Variants in BCO1 observed in about 807,000 individuals in gnomAD.
BCO1 encodes beta-carotene oxygenase 1.
In BCO1, 54 loss-of-function variants were observed where a neutral mutation model predicts 56.3. The ratio of observed to expected loss-of-function variants is 0.96; its 90% CI spans 0.77 to 1.20. The LOEUF is 1.20. Ranked by LOEUF, BCO1 falls within the 50% of genes most tolerant of loss-of-function variation. The pLI, the probability that BCO1 is intolerant of heterozygous loss-of-function variation, is 0.00. For missense variants in BCO1, 801 were observed against 690.9 expected (o/e 1.16, Z -1.79); for synonymous variants, 318 against 266.1 (o/e 1.20, Z -1.90).
chr16:81,241,374 C>T (rs1356859349), intron 1 of BCO1, among the ~76,000 whole-genome samples: 1 of 152,012 alleles, frequency 6.6e-6, no homozygotes, highest in African/African-American at 2.4e-5. Flanking sequence ...TATTTTGTAC[C>T]CTTTACACCT....
At chr16:81,258,723 T>A (rs1373732935) in intron 2 of BCO1, among the ~76,000 whole-genome samples, 1 of 152,232 alleles carries the variant, frequency 6.6e-6, no homozygotes, top group African/African-American at 2.4e-5. Flanking sequence ...AGACATATTT[T>A]GCATTGACAT....
chr16:81,279,427 TATA>T (rs569887163), intron 7 of BCO1, among the ~76,000 whole-genome samples: 137 of 152,214 alleles, frequency 9.0e-4, no homozygotes, highest in African/African-American at 3.2e-3. Flanking sequence ...GTGGCAGCAA[TATA>T]ATAATAATAA....
chr16:81,278,994 G>T (rs1907713313), intron 7 of BCO1, among the ~76,000 whole-genome samples: 1 of 152,114 alleles, frequency 6.6e-6, no homozygotes. Context: ...AAGCCATTTT[G>T]AGCCAGGTGT....
At position 81,290,690 on chromosome 16, in the gene BCO1, G is replaced by C. The variant is rs953593572; in HGVS notation, c.*113G>C. ...ACCTTTTGCACTTATTCTTTCTGTG[G>C]GTGCTTTGACAAGGGCATGGCAAGA... On this transcript the variant is annotated 3_prime_UTR_variant, in exon 11 of 11. Coordinates refer to ENST00000258168, the MANE Select transcript of BCO1 (RefSeq NM_017429.3). 2.4e-6 allele frequency: 2 copies of C among 817,172 alleles called. No individual in the cohort carries two copies. Among genetic ancestry groups the C allele is most frequent in the African/African-American group, 3.4e-5 (2 of 58,760 alleles). 50.6% of individuals were successfully genotyped at this position (817,172 alleles called of 1,614,324 possible). A position where few individuals can be genotyped will look rare whatever the true frequency, so the allele number is the denominator to read the frequency against.
intron 7 of BCO1, among the ~76,000 whole-genome samples, chr16:81,270,845 C>T (rs995609427): frequency 6.6e-6 from 1 of 151,634 alleles, no homozygotes; most frequent in African/African-American, 2.4e-5. Context: ...CCCAGGCTCA[C>T]GCCATTCTCC....
At chr16:81,241,508 A>G (rs1423200234) in intron 1 of BCO1, among the ~76,000 whole-genome samples, 3 of 152,226 alleles carry the variant, frequency 2.0e-5, no homozygotes, top group Non-Finnish European at 4.4e-5. Context: ...GACCTGCAGC[A>G]TAAGCATCAC....
chr16:81,267,995 A>C lies in BCO1; in HGVS notation c.707A>C (p.Tyr236Ser), dbSNP rs34746358. The change falls in exon 6 of 11, where the codon TAC (tyrosine) becomes TCC (serine). Residue 236 changes from tyrosine to serine, a missense_variant. Tyr to Ser is a moderately radical substitution (Grantham distance 144, BLOSUM62 -2). Transcript: ENST00000258168. ...PSRSLLSPSY[Y>S]HSFGVTENYV... ...CGCTCCCTGCTCTCCCCAAGCTACT[A>C]CCACAGCTTTGGAGTCACCGAGAAC... 111 of 1,613,734 alleles carry C rather than the reference A, an allele frequency of 6.9e-5. 1 individual carries two copies. Among genetic ancestry groups the C allele is most frequent in the Non-Finnish European group, 1.4e-5 (16 of 1,179,976 alleles).
intron 2 of BCO1, among the ~76,000 whole-genome samples, chr16:81,252,745 C>G (rs116502713): frequency 0.017 from 2,529 of 152,296 alleles, 64 homozygotes; most frequent in African/African-American, 0.058. Flanking sequence ...TGTGGCCTTG[C>G]TCACCCACAG....
At chr16:81,270,483 G>A (rs1567457766) in intron 7 of BCO1, 67 bp downstream of exon 7, 2 of 1,600,020 alleles carry the variant, frequency 1.2e-6, no homozygotes, top group Non-Finnish European at 1.7e-6. Context: ...AAGTTACTTT[G>A]GCCCTTATTT....
intron 7 of BCO1, among the ~76,000 whole-genome samples, chr16:81,277,818 GT>G (rs753543297): frequency 2.2e-4 from 34 of 152,194 alleles, no homozygotes; most frequent in Non-Finnish European, 4.0e-4. Context: ...GCCAAGTCAT[GT>G]TTGTTATTGC....
chr16:81,285,401 CA>C, intron 8 of BCO1, 138 bp from the exon 9 acceptor site: 4 of 707,586 alleles, frequency 5.7e-6, no homozygotes, highest in Non-Finnish European at 7.7e-6. Context: ...ACCTTTGATC[CA>C]ATGCAGGCTC....
At chr16:81,285,671 G>C (rs757945477) in intron 9 of BCO1, 37 bp downstream of exon 9, 3 of 1,441,892 alleles carry the variant, frequency 2.1e-6, no homozygotes, top group South Asian at 2.3e-5. Context: ...CTTTCCTACA[G>C]TGATTGTGTC....
At chr16:81,282,850 C>T (rs549543390) in intron 8 of BCO1, among the ~76,000 whole-genome samples, 6 of 152,246 alleles carry the variant, frequency 3.9e-5, no homozygotes, top group African/African-American at 1.2e-4. Flanking sequence ...TCCCTTCTGG[C>T]GAGTTCTCAG....
intron 2 of BCO1, among the ~76,000 whole-genome samples, chr16:81,252,764 G>C (rs992316307): frequency 1.3e-5 from 2 of 152,180 alleles, no homozygotes; most frequent in Non-Finnish European, 2.9e-5. Context: ...AGATGAGTCC[G>C]CCTGCCACCC....
intron 1 of BCO1, among the ~76,000 whole-genome samples, chr16:81,243,898 G>T (rs1176865560): frequency 1.3e-5 from 2 of 152,236 alleles, no homozygotes; most frequent in Non-Finnish European, 2.9e-5. Context: ...ACCAATAAAT[G>T]GGGCATTGTC....
chr16:81,281,189 T>A (rs1332262336), intron 8 of BCO1, among the ~76,000 whole-genome samples: 1 of 152,150 alleles, frequency 6.6e-6, no homozygotes, highest in Admixed American at 6.5e-5. Flanking sequence ...CTCCCACCTG[T>A]AGTCTCAGCA....
intron 2 of BCO1, among the ~76,000 whole-genome samples, chr16:81,252,945 G>T (rs763553440): frequency 2.0e-5 from 3 of 151,952 alleles, no homozygotes; most frequent in African/African-American, 7.2e-5. Flanking sequence ...CCCCTCTCTA[G>T]TAAAAATACA....
rs1906718205 is a variant in BCO1 at position 81,264,928 on chromosome 16, C to G, written c.619+141C>G. On this transcript the variant is annotated intron_variant, in intron 5 of 10. Transcript: ENST00000258168. ...ATTGAGGTGGACCATGAAGTCAGTA[C>G]TTTCCTTTAGAAGAGAAGAGGAGAT... The G allele has an allele frequency of 6.4e-6, 6 of 936,232 alleles. No individual in the cohort carries two copies. In the South Asian group the frequency reaches 7.3e-5, roughly 11 times the overall value. 58.0% of individuals were successfully genotyped at this position (936,232 alleles called of 1,614,324 possible).
intron 4 of BCO1, chr16:81,263,614 G>C (rs1369843039): frequency 1.3e-5 from 2 of 152,302 alleles, no homozygotes; most frequent in South Asian, 2.1e-4. Context: ...CTGAGAATTT[G>C]AATGAATGAC....
Sources: gnomAD v4.1 joint callset for allele counts (sites outside exome capture counted in the v4.1 genomes callset) on GRCh38, gnomAD v4.1.1 for gene constraint, MANE v1.5 for transcripts, NCBI Gene and HGNC (gene_info 2026-07-23, HGNC 2026-07-21) for gene names.